Variants in CLCN5 observed in about 807,000 individuals in gnomAD.
CLCN5 encodes the protein H(+)/Cl(-) exchange transporter 5.
In CLCN5, 17 loss-of-function variants were observed where a neutral mutation model predicts 54.0. The observed-to-expected ratio is 0.31, with a 90% CI of 0.22 to 0.47. CLCN5 has a LOEUF of 0.47. CLCN5 is among the 20% of genes least tolerant of loss of function. The probability of loss-of-function intolerance (pLI) is 1.00; values close to 1 mark genes in which losing one functional copy is unlikely to be tolerated. For missense variants in CLCN5, 448 were observed against 646.7 expected (o/e 0.69, Z 3.33); for synonymous variants, 222 against 233.0 (o/e 0.95, Z 0.43).
At chrX:50,084,548 A>AT (rs1213129126) in intron 9 of CLCN5, among the ~76,000 whole-genome samples, 1 of 109,998 alleles carries the variant, frequency 9.1e-6, no homozygotes, top group African/African-American at 3.3e-5. Context: ...TACCCAGCTG[A>AT]TTTTGTGAAT....
At chrX:50,065,739 A>T (rs1229262597) in intron 4 of CLCN5, among the ~76,000 whole-genome samples, 5 of 106,054 alleles carry the variant, frequency 4.7e-5, no homozygotes, top group Non-Finnish European at 1.9e-5. Flanking sequence ...ATTATTCACA[A>T]TAGCAAAGAC....
Position 50,029,671 on chromosome X carries a change from A to G in CLCN5, c.17-12645A>G, listed in dbSNP as rs188434781. Among the ~76,000 whole-genome samples the G allele has an allele frequency of 5.4e-5, 6 of 111,910 alleles. No homozygotes were observed. In the East Asian group the frequency reaches 1.7e-3, roughly 31 times the overall value. On this transcript the variant is annotated intron_variant, in intron 3 of 14. Coordinates refer to ENST00000376091, the MANE Select transcript of CLCN5 (RefSeq NM_001127898.4). ...ACTGGCCATCAGAGAAATGCAAATC[A>G]AAACCACAATGAGATACCATCTCAC...
intron 3 of CLCN5, chrX:50,003,163 C>T (rs371160078): frequency 1.0e-4 from 39 of 383,769 alleles, no homozygotes; most frequent in African/African-American, 9.2e-4. Context: ...TGCTTTCTCT[C>T]CTCCATGCCT....
intron 3 of CLCN5, among the ~76,000 whole-genome samples, chrX:49,999,677 T>G (rs182344147): frequency 2.7e-4 from 30 of 111,573 alleles, no homozygotes; most frequent in Non-Finnish European, 3.2e-4. Context: ...GTTTCTAAGC[T>G]ATACTCTGTT....
At chrX:49,947,705 C>T (rs1413857241) in intron 3 of CLCN5, among the ~76,000 whole-genome samples, 1 of 111,382 alleles carries the variant, frequency 9.0e-6, no homozygotes, top group Non-Finnish European at 1.9e-5. Flanking sequence ...CTGGTTTCTT[C>T]TTCTCTTCCT....
Position 49,989,656 on chromosome X carries a change from G to A in CLCN5, c.17-52660G>A, listed in dbSNP as rs782766875. On this transcript the variant is annotated intron_variant, in intron 3 of 14. Coordinates refer to ENST00000376091, the MANE Select transcript of CLCN5 (RefSeq NM_001127898.4). ...GACATAACCTTTTGGCTACTGTATG[G>A]TGCTGACTATGGCACAGGTTTTGGT... 2.1e-3 allele frequency among the ~76,000 whole-genome samples: 231 copies of A among 111,893 alleles called. 1 individual carries two copies. The highest frequency in any genetic ancestry group is 7.3e-3 in the African/African-American group (225 of 30,790).
intron 4 of CLCN5, among the ~76,000 whole-genome samples, chrX:50,056,848 T>C (rs1418567512): frequency 8.9e-6 from 1 of 112,084 alleles, no homozygotes; most frequent in Non-Finnish European, 1.9e-5. Flanking sequence ...AACCTTCCTG[T>C]TTTTTTCTCA....
chrX:49,938,275 T>C (rs1926112401), intron 3 of CLCN5, among the ~76,000 whole-genome samples: 1 of 111,702 alleles, frequency 9.0e-6, no homozygotes, highest in African/African-American at 3.3e-5. Context: ...CTTCACAGAA[T>C]TGGAAAAAAC....
At chrX:50,070,994 TA>T (rs1189524572) in intron 5 of CLCN5, among the ~76,000 whole-genome samples, 2 of 110,950 alleles carry the variant, frequency 1.8e-5, no homozygotes, top group Non-Finnish European at 3.8e-5. Context: ...CAATAGGTAT[TA>T]TTTTTTTTTC....
chrX:50,092,960 A>AT lies in CLCN5; in HGVS notation c.*745dup, dbSNP rs1934151943. On this transcript the variant is annotated 3_prime_UTR_variant, in exon 15 of 15. Coordinates refer to ENST00000376091, the MANE Select transcript of CLCN5 (RefSeq NM_001127898.4). The stretch of plus-strand genomic sequence containing the variant: ...TTTCTCCTTGTCTGCAAAAACGGTA[A>AT]TTTTCCAGGTGGCATTTGTTAGCTG... 1 of 112,427 alleles carries AT rather than the reference A, an allele frequency of 8.9e-6. No homozygotes were observed. The highest frequency in any genetic ancestry group is 3.2e-5 in the African/African-American group (1 of 30,896). 9.3% of individuals were successfully genotyped at this position (112,427 alleles called of 1,213,427 possible). A position where few individuals can be genotyped will look rare whatever the true frequency, so the allele number is the denominator to read the frequency against.
At chrX:50,039,201 G>A (rs1011825876) in intron 3 of CLCN5, among the ~76,000 whole-genome samples, 3 of 112,171 alleles carry the variant, frequency 2.7e-5, no homozygotes, top group Non-Finnish European at 5.6e-5. Flanking sequence ...CGCTGAGGTG[G>A]CAGGATTGCT....
chrX:50,029,972 A>G (rs1007855565), intron 3 of CLCN5, among the ~76,000 whole-genome samples: 3 of 112,251 alleles, frequency 2.7e-5, no homozygotes, highest in Non-Finnish European at 3.8e-5. Flanking sequence ...ATAACTTTCT[A>G]TTCTTACCCC....
At chrX:50,002,347 C>A (rs1159553747) in intron 3 of CLCN5, among the ~76,000 whole-genome samples, 1 of 111,215 alleles carries the variant, frequency 9.0e-6, no homozygotes, top group African/African-American at 3.3e-5. Flanking sequence ...AAGCCCTACT[C>A]CTCCCTCTGT....
intron 6 of CLCN5, 39 bp downstream of exon 6, chrX:50,072,627 A>G: frequency 9.9e-7 from 1 of 1,012,849 alleles, no homozygotes; most frequent in Non-Finnish European, 1.4e-6. Context: ...AATCTCCTAA[A>G]ATTGTGGTAT....
intron 3 of CLCN5, among the ~76,000 whole-genome samples, chrX:50,034,454 G>A (rs1390438236): frequency 9.0e-6 from 1 of 111,324 alleles, no homozygotes; most frequent in Non-Finnish European, 1.9e-5. Context: ...GCAGTATCCG[G>A]CATATATTAC....
chrX:49,938,701 A>G (rs1242043581), intron 3 of CLCN5, among the ~76,000 whole-genome samples: 2 of 111,294 alleles, frequency 1.8e-5, no homozygotes, highest in African/African-American at 6.5e-5. Context: ...AAGAAAACCT[A>G]GGCAATACCA....
Position 49,971,569 on chromosome X carries a change from T to C in CLCN5, c.16+46255T>C, listed in dbSNP as rs188066964. On this transcript the variant is annotated intron_variant, in intron 3 of 14. Coordinates refer to ENST00000376091, the MANE Select transcript of CLCN5 (RefSeq NM_001127898.4). ...CCTACTTTACTGAGTGATTTTATCATGAAAGGATATTGCAGCCTCTGCCCT... is the reference window on the plus strand; with the variant it reads ...CCTACTTTACTGAGTGATTTTATCACGAAAGGATATTGCAGCCTCTGCCCT... Among the ~76,000 whole-genome samples, 782 of 111,183 alleles carry C rather than the reference T, an allele frequency of 7.0e-3. 12 individuals carry two copies. Among genetic ancestry groups the C allele is most frequent in the African/African-American group, 0.025 (759 of 30,624 alleles).
intron 4 of CLCN5, among the ~76,000 whole-genome samples, chrX:50,059,041 T>C (rs1385905879): frequency 3.6e-5 from 4 of 111,835 alleles, no homozygotes; most frequent in African/African-American, 1.3e-4. Context: ...GTTGCCATTC[T>C]TGACAGTTAA....
At chrX:50,055,868 C>G (rs1932727485) in intron 4 of CLCN5, among the ~76,000 whole-genome samples, 1 of 110,250 alleles carries the variant, frequency 9.1e-6, no homozygotes, top group Non-Finnish European at 1.9e-5. Flanking sequence ...GTCTGGGATA[C>G]ATTTCTATTT....
Sources: allele counts gnomAD v4.1 joint callset (sites outside exome capture counted in the v4.1 genomes callset), GRCh38; gene constraint gnomAD v4.1.1; transcripts MANE v1.5; gene names NCBI Gene and HGNC (gene_info 2026-07-23, HGNC 2026-07-21).